The following HMSD variants were observed in gnomAD, a reference collection of about 807,000 sequenced individuals.
HMSD encodes serpin-like protein HMSD.
HMSD carries 13 observed loss-of-function variants against 10.0 expected under a neutral mutation model. The observed-to-expected ratio is 1.31, with a 90% CI of 0.85 to 2.08. HMSD has a LOEUF of 2.08. Among genes scored for constraint, HMSD ranks in the 30% most tolerant of loss-of-function variants. HMSD has a pLI of 0.00. For synonymous variants in HMSD, 51 were observed against 54.2 expected (o/e 0.94, Z 0.26); for missense variants, 169 against 166.3 (o/e 1.02, Z -0.09).
intron 3 of HMSD, among the ~76,000 whole-genome samples, chr18:63,958,364 C>T (rs1216020710): frequency 6.6e-6 from 1 of 152,084 alleles, no homozygotes; most frequent in Non-Finnish European, 1.5e-5. Flanking sequence ...CACATTTCCT[C>T]TCCATGCCAT....
chr18:63,958,813 G>A (rs868552790), intron 3 of HMSD, among the ~76,000 whole-genome samples: 4 of 152,118 alleles, frequency 2.6e-5, no homozygotes, highest in Middle Eastern at 3.4e-3. Flanking sequence ...AGAAAGTTCC[G>A]ATGGACACTG....
intron 1 of HMSD, among the ~76,000 whole-genome samples, chr18:63,950,415 CAA>C (rs562421091): frequency 5.5e-3 from 215 of 38,992 alleles, no homozygotes; most frequent in African/African-American, 0.013. Context: ...GACTCTCTCT[CAA>C]AAAAAAAAAA....
downstream of HMSD, among the ~76,000 whole-genome samples, chr18:63,965,886 C>T (rs917485221): frequency 2.6e-4 from 39 of 152,160 alleles, no homozygotes; most frequent in Non-Finnish European, 8.8e-5. Context: ...CCTCAGGAGG[C>T]GGAGGTTGCA....
At chr18:63,969,325 G>C (rs2050429965) in intron 3 of HMSD, 1 of 152,230 alleles carries the variant, frequency 6.6e-6, no homozygotes, top group African/African-American at 2.4e-5. Flanking sequence ...ATGTTTACCT[G>C]AACTTCAGAG....
chr18:63,962,216 G>A (rs1384135127), downstream of HMSD, among the ~76,000 whole-genome samples: 1 of 152,214 alleles, frequency 6.6e-6, no homozygotes, highest in African/African-American at 2.4e-5. Context: ...GCTTGAACAA[G>A]TTCTTGTAGC....
downstream of HMSD, among the ~76,000 whole-genome samples, chr18:63,963,046 T>TTGCTTGCTTGC (rs2050392826): frequency 8.0e-6 from 1 of 125,432 alleles, no homozygotes; most frequent in African/African-American, 3.7e-5. Flanking sequence ...TCAGATGTAG[T>TTGCTTGCTTGC]TTTCTTTCTT....
intron 1 of HMSD, among the ~76,000 whole-genome samples, chr18:63,951,047 C>G: frequency 6.6e-6 from 1 of 152,188 alleles, no homozygotes. Context: ...TTTATAATCA[C>G]TGTTGTACAG....
intron 1 of HMSD, among the ~76,000 whole-genome samples, chr18:63,952,437 T>C (rs2050336150): frequency 1.3e-5 from 2 of 152,234 alleles, no homozygotes; most frequent in Admixed American, 1.3e-4. Context: ...AAATTAGAAT[T>C]ACTCATTATC....
At chr18:63,955,297 A>G (rs1349432071) in intron 3 of HMSD, among the ~76,000 whole-genome samples, 3 of 152,156 alleles carry the variant, frequency 2.0e-5, no homozygotes, top group Non-Finnish European at 2.9e-5. Context: ...GTGGATCTGT[A>G]TTACTCTTTT....
intron 3 of HMSD, among the ~76,000 whole-genome samples, chr18:63,955,483 A>G (rs2050353246): frequency 6.6e-6 from 1 of 152,144 alleles, no homozygotes; most frequent in African/African-American, 2.4e-5. Flanking sequence ...AGAAGGGAGG[A>G]AGGGAATGAA....
At chr18:63,959,056 G>T (rs1272404972) in intron 3 of HMSD, among the ~76,000 whole-genome samples, 1 of 152,118 alleles carries the variant, frequency 6.6e-6, no homozygotes, top group Non-Finnish European at 1.5e-5. Flanking sequence ...TTGAGCAAAA[G>T]GTACATGCAT....
intron 3 of HMSD, 89 bp downstream of exon 3, chr18:63,954,646 G>A (rs978280719): frequency 2.6e-6 from 3 of 1,150,154 alleles, no homozygotes; most frequent in African/African-American, 3.1e-5. Flanking sequence ...CCTGCAGGTG[G>A]TCCTGAACTC....
At chr18:63,951,454 A>G (rs1339269787) in intron 1 of HMSD, among the ~76,000 whole-genome samples, 1 of 152,176 alleles carries the variant, frequency 6.6e-6, no homozygotes, top group Non-Finnish European at 1.5e-5. Context: ...AGCAGGGGGG[A>G]AACTGTGGGA....
chr18:63,953,433 TCAAA>T lies in HMSD; in HGVS notation c.-19_-16del. The T allele has an allele frequency of 6.2e-7, 1 of 1,606,490 alleles. No homozygotes were observed. The highest frequency in any genetic ancestry group is 8.5e-7 in the Non-Finnish European group (1 of 1,174,158). The stretch of plus-strand genomic sequence containing the variant: ...TTTGAAAAAGCTAGGGGAAAACAAC[TCAAA>T]CAACTTATTTTTTTCCCCATGAGCA... On this transcript the variant is annotated 5_prime_UTR_variant, in exon 2 of 4. Coordinates refer to ENST00000408945, the MANE Select transcript of HMSD (RefSeq NM_001123366.2).
chr18:63,960,182 T>C lies in HMSD; in HGVS notation c.247T>C (p.Phe83Leu). ...LTGFTDSCGK[F>L]YQATIKQLDF... ...GGGTTTTACAGATTCCTGTGGCAAA[T>C]TCTACCAAGCAACGATAAAACAGCT... The change falls in exon 4 of 4, where the codon TTC becomes CTC. Residue 83 changes from phenylalanine to leucine, a missense_variant. Physicochemically the swap from Phe to Leu is conservative, Grantham distance 22. Transcript: ENST00000408945. The C allele has an allele frequency of 1.2e-6, 2 of 1,611,974 alleles. No homozygotes were observed. The highest frequency in any genetic ancestry group is 1.7e-6 in the Non-Finnish European group (2 of 1,179,506).
intron 2 of HMSD, 85 bp from the exon 3 acceptor site, chr18:63,954,323 C>A: frequency 1.1e-6 from 1 of 926,424 alleles, no homozygotes; most frequent in Non-Finnish European, 1.7e-6. Context: ...CTGTAAATCT[C>A]ATATTGCTGA....
chr18:63,955,293 C>T (rs1648492), intron 3 of HMSD, among the ~76,000 whole-genome samples: 10 of 152,176 alleles, frequency 6.6e-5, no homozygotes, highest in Non-Finnish European at 1.3e-4. Flanking sequence ...ATATGTGGAT[C>T]TGTATTACTC....
intron 3 of HMSD, chr18:63,968,508 G>T (rs565909913): frequency 1.3e-5 from 2 of 152,380 alleles, no homozygotes; most frequent in South Asian, 4.1e-4. Context: ...CTTTGCACCT[G>T]CACGCACTGT....
rs781147043 is a variant in HMSD, at chr18:63,961,248, T to G, written c.*893T>G. On this transcript the variant is annotated 3_prime_UTR_variant, in exon 4 of 4. Transcript: ENST00000408945. ...TGAGGATAATCAAATCATTTCAATA[T>G]GAATTATGAAAATGAATGATAATGG... is the stretch of plus-strand genomic sequence containing the variant. 7.2e-5 allele frequency: 11 copies of G among 151,846 alleles called. No individual in the cohort carries two copies. The highest frequency in any genetic ancestry group is 1.6e-4 in the Non-Finnish European group (11 of 67,978). 9.4% of individuals were successfully genotyped at this position (151,846 alleles called of 1,614,324 possible).
Sources: allele counts gnomAD v4.1 joint callset (sites outside exome capture counted in the v4.1 genomes callset), GRCh38; gene constraint gnomAD v4.1.1; transcripts MANE v1.5; gene names NCBI Gene and HGNC (gene_info 2026-07-23, HGNC 2026-07-21).